IL15: variants seen among roughly 807,000 people sequenced by gnomAD.
IL15 encodes interleukin 15.
Under a neutral mutation model 19.6 loss-of-function variants are expected in IL15, and 11 were observed. That is an observed-to-expected ratio of 0.56 (90% CI 0.35 to 0.93). IL15 has a LOEUF of 0.93. Ranked by LOEUF, IL15 falls within the 40% of genes least tolerant of loss-of-function variation. IL15 has a pLI of 0.01. For synonymous variants in IL15, 58 were observed against 59.6 expected (o/e 0.97, Z 0.12); for missense variants, 197 against 186.5 (o/e 1.06, Z -0.33).
At chr4:141,640,130 C>G in intron 1 of IL15, among the ~76,000 whole-genome samples, 1 of 152,092 alleles carries the variant, frequency 6.6e-6, no homozygotes, top group East Asian at 1.9e-4. Context: ...GAAATCTTGA[C>G]AGAAAGCCTG....
chr4:141,695,106 T>C (rs928341295), intron 2 of IL15, among the ~76,000 whole-genome samples: 2 of 151,882 alleles, frequency 1.3e-5, no homozygotes, highest in Non-Finnish European at 2.9e-5. Context: ...ATTTATCTTC[T>C]CCCCACTCTC....
Position 141,687,757 on chromosome 4 carries a change from TC to T in IL15, c.-100+31452del, listed in dbSNP as rs555233040. On this transcript the variant is annotated intron_variant, in intron 2 of 7. Coordinates refer to ENST00000320650, the MANE Select transcript of IL15 (RefSeq NM_000585.5). ...CAATAATTGTGTTTCTCCTCTTTAT[TC>T]CAAACAGGACAGAATTCTAAATAAC... Among the ~76,000 whole-genome samples, 20 of 152,332 alleles carry T rather than the reference TC, an allele frequency of 1.3e-4. No homozygotes were observed. The South Asian group carries it at 4.1e-3, about 32-fold the overall frequency.
chr4:141,705,052 A>AT (rs1409205139), intron 2 of IL15, among the ~76,000 whole-genome samples: 2 of 151,088 alleles, frequency 1.3e-5, no homozygotes, highest in African/African-American at 2.4e-5. Context: ...ATATGAATTC[A>AT]TTTTTTTGTC....
At chr4:141,649,897 T>C (rs1727348506) in intron 1 of IL15, among the ~76,000 whole-genome samples, 2 of 152,114 alleles carry the variant, frequency 1.3e-5, no homozygotes, top group South Asian at 2.1e-4. Context: ...AAAGTATATC[T>C]ATGAAAAATC....
intron 2 of IL15, among the ~76,000 whole-genome samples, chr4:141,674,312 T>G (rs1419418129): frequency 6.6e-6 from 1 of 152,206 alleles, no homozygotes; most frequent in Non-Finnish European, 1.5e-5. Flanking sequence ...GTATCTCACA[T>G]GAGACTTAAT....
In IL15 at chr4:141,729,981, T is replaced by A. The variant is rs1411594748; in HGVS notation, c.375T>A (p.Asn125Lys). Residue 125 changes from asparagine (N) to lysine (K), a missense_variant, in exon 7 of 8, where the codon AAT (asparagine) becomes AAA (lysine). By Grantham distance (94) the Asn-to-Lys change is moderately conservative. Transcript: ENST00000320650. ...TAGCAAACAACAGTTTGTCTTCTAATGGGGTGAGTTTTCCAACAGTTGCTT... is the reference window on the plus strand; with the variant it reads ...TAGCAAACAACAGTTTGTCTTCTAAAGGGGTGAGTTTTCCAACAGTTGCTT... Reference protein sequence around the residue: ...IILANNSLSSNGNVTESGCKE... With the variant: ...IILANNSLSSKGNVTESGCKE... 2 of 1,609,346 alleles carry A rather than the reference T, an allele frequency of 1.2e-6. No individual in the cohort carries two copies.
chr4:141,729,096 G>A (rs1730364972), intron 6 of IL15, among the ~76,000 whole-genome samples: 2 of 152,048 alleles, frequency 1.3e-5, no homozygotes. Context: ...GTGACTGTTG[G>A]GTTTAAGGAA....
Position 141,671,748 on chromosome 4 carries a change from A to G in IL15, c.-100+15441A>G, listed in dbSNP as rs577965126. ...GGAAGTCACACATTATTTTTGCCAT[A>G]TCCTGTTGGTCATAACTAGTTATAA... On this transcript the variant is annotated intron_variant, in intron 2 of 7. Coordinates refer to ENST00000320650, the MANE Select transcript of IL15 (RefSeq NM_000585.5). Among the ~76,000 whole-genome samples the G allele has an allele frequency of 6.6e-5, 10 of 152,308 alleles. No homozygotes were observed. In the South Asian group the frequency reaches 1.9e-3, roughly 28 times the overall value.
chr4:141,702,104 G>T (rs1729341334), intron 2 of IL15, among the ~76,000 whole-genome samples: 1 of 152,188 alleles, frequency 6.6e-6, no homozygotes, highest in Non-Finnish European at 1.5e-5. Context: ...CACAGAGGCT[G>T]CCTGCCTGTT....
chr4:141,702,484 C>T (rs1392709548), intron 2 of IL15, among the ~76,000 whole-genome samples: 1 of 152,164 alleles, frequency 6.6e-6, no homozygotes, highest in Non-Finnish European at 1.5e-5. Flanking sequence ...ACTGAGATTC[C>T]TTGGTTGTCA....
intron 2 of IL15, 132 bp downstream of exon 2, chr4:141,656,439 T>A: frequency 2.6e-6 from 1 of 391,672 alleles, no homozygotes; most frequent in African/African-American, 2.1e-5. Context: ...AGCATCTTGG[T>A]TTAAAAAATA....
At chr4:141,651,848 A>G (rs1314744840) in intron 1 of IL15, among the ~76,000 whole-genome samples, 1 of 152,074 alleles carries the variant, frequency 6.6e-6, no homozygotes, top group East Asian at 1.9e-4. Flanking sequence ...AAAGTTACTC[A>G]CTTCTACCTT....
chr4:141,731,843 A>G (rs1303821158), intron 7 of IL15, among the ~76,000 whole-genome samples: 1 of 152,196 alleles, frequency 6.6e-6, no homozygotes, highest in Non-Finnish European at 1.5e-5. Flanking sequence ...CACAGCCTTC[A>G]TGGTTCAGAT....
intron 2 of IL15, among the ~76,000 whole-genome samples, chr4:141,668,597 T>A (rs146141539): frequency 5.0e-4 from 76 of 152,334 alleles, no homozygotes; most frequent in African/African-American, 1.7e-3. Flanking sequence ...CCACTCTCAA[T>A]CCCCTACTGG....
intron 2 of IL15, among the ~76,000 whole-genome samples, chr4:141,687,640 C>G (rs1728752856): frequency 6.6e-6 from 1 of 152,162 alleles, no homozygotes; most frequent in Non-Finnish European, 1.5e-5. Flanking sequence ...AATTGTTTTA[C>G]TCTTTCATTG....
intron 2 of IL15, among the ~76,000 whole-genome samples, chr4:141,662,722 G>T (rs1727835651): frequency 6.6e-6 from 1 of 151,416 alleles, no homozygotes; most frequent in Non-Finnish European, 1.5e-5. Flanking sequence ...TTTTTTTTCT[G>T]TTTGACTCAG....
At chr4:141,715,396 CG>C (rs1729849575) in intron 2 of IL15, 1 of 152,150 alleles carries the variant, frequency 6.6e-6, no homozygotes, top group Admixed American at 6.5e-5. Context: ...GAGATACCAC[CG>C]GGGCTCACAC....
intron 2 of IL15, among the ~76,000 whole-genome samples, chr4:141,667,267 G>T (rs563041414): frequency 3.9e-5 from 6 of 152,224 alleles, no homozygotes; most frequent in Non-Finnish European, 7.3e-5. Context: ...GGACCGGGCT[G>T]TGGGAACTCT....
At chr4:141,648,090 T>C (rs1727289807) in intron 1 of IL15, among the ~76,000 whole-genome samples, 1 of 151,990 alleles carries the variant, frequency 6.6e-6, no homozygotes, top group African/African-American at 2.4e-5. Context: ...TCAAGTTAGA[T>C]CAGGTTCTGA....
Sources: gnomAD v4.1 joint callset for allele counts (sites outside exome capture counted in the v4.1 genomes callset) on GRCh38, gnomAD v4.1.1 for gene constraint, MANE v1.5 for transcripts, NCBI Gene and HGNC (gene_info 2026-07-23, HGNC 2026-07-21) for gene names.